Variants in CSMD1 observed in about 807,000 individuals in gnomAD.
CSMD1 encodes CUB and sushi domain-containing protein 1.
A neutral mutation model predicts 417.5 loss-of-function variants in CSMD1; 213 were observed. The ratio of observed to expected loss-of-function variants is 0.51; its 90% CI spans 0.46 to 0.57. The LOEUF is 0.57. Ranked by LOEUF, CSMD1 falls within the 20% of genes least tolerant of loss-of-function variation. The probability of loss-of-function intolerance (pLI) is 0.00; values close to 1 mark genes in which losing one functional copy is unlikely to be tolerated. For missense variants in CSMD1, 6,923 were observed against 4,529.7 expected, an observed-to-expected ratio of 1.53 and a Z score of -15.17; for synonymous variants, 2,862 against 1,736.8, an observed-to-expected ratio of 1.65 and a Z score of -16.11.
chr8:4,659,230 A>G (rs1368151260), intron 1 of CSMD1, among the ~76,000 whole-genome samples: 1 of 151,580 alleles, frequency 6.6e-6, no homozygotes, highest in African/African-American at 2.4e-5. Context: ...TGCTCAGAGG[A>G]AATGCATAGC....
At position 3,383,153 on chromosome 8, in the gene CSMD1, A is replaced by G. The variant is rs189303351; in HGVS notation, c.2782+4341T>C. Among the ~76,000 whole-genome samples the G allele has an allele frequency of 1.2e-3, 182 of 152,292 alleles. 2 individuals carry two copies. The highest frequency in any genetic ancestry group is 4.3e-3 in the African/African-American group (178 of 41,548). Reference sequence around the variant, plus strand: ...GAAGTTATAAATTTAAAAGATAAACATAAGTTTTTACTTTTAGGGGTGATT... The same window carrying G: ...GAAGTTATAAATTTAAAAGATAAACGTAAGTTTTTACTTTTAGGGGTGATT... On this transcript the variant is annotated intron_variant, in intron 18 of 69. Transcript: ENST00000635120.
intron 22 of CSMD1, among the ~76,000 whole-genome samples, chr8:3,344,599 G>A (rs1412040258): frequency 6.6e-6 from 1 of 152,170 alleles, no homozygotes; most frequent in Non-Finnish European, 1.5e-5. Context: ...CACGATATTG[G>A]AAAATGTTCA....
At chr8:4,531,101 T>A (rs904247218) in intron 2 of CSMD1, among the ~76,000 whole-genome samples, 2 of 152,174 alleles carry the variant, frequency 1.3e-5, no homozygotes, top group African/African-American at 4.8e-5. Context: ...CCTGGCTGAA[T>A]CATCGCGAGT....
chr8:3,443,598 A>G (rs1815126299), intron 12 of CSMD1, among the ~76,000 whole-genome samples: 1 of 152,222 alleles, frequency 6.6e-6, no homozygotes, highest in African/African-American at 2.4e-5. Context: ...AGCAGAAGTG[A>G]GACCTTCAAA....
At chr8:4,077,219 T>C (rs1799864846) in intron 3 of CSMD1, among the ~76,000 whole-genome samples, 1 of 149,676 alleles carries the variant, frequency 6.7e-6, no homozygotes, top group Non-Finnish European at 1.5e-5. Flanking sequence ...GAGAGCTCTG[T>C]GAATTTCAGC....
intron 37 of CSMD1, among the ~76,000 whole-genome samples, chr8:3,166,631 A>T (rs919641304): frequency 5.3e-5 from 8 of 152,200 alleles, no homozygotes; most frequent in Non-Finnish European, 1.2e-4. Context: ...ATTGAAAGTG[A>T]TCTCTCATAT....
chr8:4,073,505 T>C (rs1799665970), intron 3 of CSMD1, among the ~76,000 whole-genome samples: 1 of 152,158 alleles, frequency 6.6e-6, no homozygotes, highest in Non-Finnish European at 1.5e-5. Context: ...CAATATTCTT[T>C]CAGAGGACCT....
chr8:3,555,167 T>G (rs2116811844), intron 10 of CSMD1, among the ~76,000 whole-genome samples: 1 of 151,672 alleles, frequency 6.6e-6, no homozygotes, highest in African/African-American at 2.4e-5. Context: ...ACAAGCAGAA[T>G]GGGGAGAAAT....
In CSMD1 at chr8:3,619,016, G is replaced by C. The variant is rs138357147; in HGVS notation, c.1010-2219C>G. Among the ~76,000 whole-genome samples, 561 of 152,286 alleles carry C rather than the reference G, an allele frequency of 3.7e-3. 2 individuals are homozygous for C. The highest frequency in any genetic ancestry group is 0.013 in the African/African-American group (535 of 41,552). On this transcript the variant is annotated intron_variant, in intron 7 of 69. Transcript: ENST00000635120. The stretch of plus-strand genomic sequence containing the variant: ...GGATCTCTGGCTAGCAGCCATGAAA[G>C]GCTGTGACAAGCACTGCTGTATAGA...
At position 3,178,129 on chromosome 8, in the gene CSMD1, T is replaced by C. The variant is rs186937986; in HGVS notation, c.5725+2981A>G. Among the ~76,000 whole-genome samples the C allele has an allele frequency of 6.6e-5, 10 of 152,316 alleles. No homozygotes were observed. In the East Asian group the frequency reaches 1.4e-3, roughly 21 times the overall value. On this transcript the variant is annotated intron_variant, in intron 37 of 69. Coordinates refer to ENST00000635120, the MANE Select transcript of CSMD1 (RefSeq NM_033225.6). ...GGATTCTGTAAGATCCCTGAGACTGTAGATCATATACATTAAACCAGACTT... is the reference window on the plus strand; with the variant it reads ...GGATTCTGTAAGATCCCTGAGACTGCAGATCATATACATTAAACCAGACTT...
intron 21 of CSMD1, among the ~76,000 whole-genome samples, chr8:3,352,078 A>T (rs530058127): frequency 1.3e-5 from 2 of 152,218 alleles, no homozygotes; most frequent in East Asian, 3.9e-4. Flanking sequence ...TTGTATCCTG[A>T]GGGCCTAGTG....
chr8:4,970,204 T>A (rs183977554), intron 1 of CSMD1, among the ~76,000 whole-genome samples: 7 of 152,052 alleles, frequency 4.6e-5, no homozygotes, highest in Admixed American at 4.6e-4. Context: ...CAGACTCGAA[T>A]CTTGTTTCTT....
chr8:3,701,965 G>A (rs1040207865), intron 7 of CSMD1, among the ~76,000 whole-genome samples: 1 of 151,978 alleles, frequency 6.6e-6, no homozygotes, highest in Admixed American at 6.6e-5. Flanking sequence ...ATTCTGTTTT[G>A]CTTCAGGTCT....
intron 2 of CSMD1, among the ~76,000 whole-genome samples, chr8:4,585,158 A>G (rs1799636610): frequency 6.6e-6 from 1 of 152,062 alleles, no homozygotes; most frequent in South Asian, 2.1e-4. Flanking sequence ...TAAAGTTAGC[A>G]GAAGTTGCCT....
intron 4 of CSMD1, among the ~76,000 whole-genome samples, chr8:4,025,062 T>C (rs1460677318): frequency 6.6e-6 from 1 of 152,120 alleles, no homozygotes. Context: ...AGACTAATAC[T>C]CACAAAAATA....
chr8:4,244,530 T>G (rs1286815395), intron 3 of CSMD1, among the ~76,000 whole-genome samples: 1 of 151,898 alleles, frequency 6.6e-6, no homozygotes, highest in Non-Finnish European at 1.5e-5. Context: ...CAAATAAAAT[T>G]TTCTTTCTTT....
At chr8:4,898,458 G>C (rs575057385) in intron 1 of CSMD1, among the ~76,000 whole-genome samples, 2 of 151,452 alleles carry the variant, frequency 1.3e-5, no homozygotes, top group African/African-American at 4.9e-5. Flanking sequence ...TGTAGAAAGT[G>C]TAAGTGAGAG....
intron 3 of CSMD1, among the ~76,000 whole-genome samples, chr8:4,229,720 C>G (rs986696740): frequency 2.0e-5 from 3 of 152,046 alleles, no homozygotes; most frequent in African/African-American, 4.8e-5. Flanking sequence ...CTTGCTTGAC[C>G]CACCCCATCC....
At chr8:4,547,963 T>G (rs1765982481) in intron 2 of CSMD1, among the ~76,000 whole-genome samples, 1 of 152,150 alleles carries the variant, frequency 6.6e-6, no homozygotes, top group Non-Finnish European at 1.5e-5. Flanking sequence ...AGAAGGGTAA[T>G]TACATTTATT....
Sources: allele counts gnomAD v4.1 joint callset (sites outside exome capture counted in the v4.1 genomes callset), GRCh38; gene constraint gnomAD v4.1.1; transcripts MANE v1.5; gene names NCBI Gene and HGNC (gene_info 2026-07-23, HGNC 2026-07-21).